CLCA1: variants seen among roughly 807,000 people sequenced by gnomAD.
CLCA1 encodes the protein calcium-activated chloride channel regulator 1.
CLCA1 carries 59 observed loss-of-function variants against 85.6 expected under a neutral mutation model. That is an observed-to-expected ratio of 0.69 (90% CI 0.56 to 0.86). CLCA1 has a LOEUF of 0.86. Among genes scored for constraint, CLCA1 ranks in the 40% least tolerant of loss-of-function variants. The pLI, the probability that CLCA1 is intolerant of heterozygous loss-of-function variation, is 0.00. For synonymous variants in CLCA1, 396 were observed against 398.3 expected, an observed-to-expected ratio of 0.99 and a Z score of 0.07; for missense variants, 1,022 against 1,101.4, an observed-to-expected ratio of 0.93 and a Z score of 1.02.
chr1:86,500,203 A>C lies in CLCA1; in HGVS notation c.*158A>C. ...TATTCCTGTAGGGGGCGATATACTA[A>C]ATGTATTTTAGACTTCCTGTAGGGG... On this transcript the variant is annotated 3_prime_UTR_variant, in exon 14 of 14. Transcript: ENST00000394711. 1 of 552,680 alleles carries C rather than the reference A, an allele frequency of 1.8e-6. No homozygotes were observed. Among genetic ancestry groups the C allele is most frequent in the Non-Finnish European group, 3.2e-6 (1 of 311,702 alleles). 34.2% of individuals were successfully genotyped at this position (552,680 alleles called of 1,614,324 possible). A position where few individuals can be genotyped will look rare whatever the true frequency, so the allele number is the denominator to read the frequency against.
At chr1:86,480,869 T>A (rs1016071838) in intron 4 of CLCA1, among the ~76,000 whole-genome samples, 3 of 152,204 alleles carry the variant, frequency 2.0e-5, no homozygotes, top group Admixed American at 2.0e-4. Flanking sequence ...TGTGATTTCA[T>A]GTTTAAAAAT....
chr1:86,489,294 C>T (rs1648074722), intron 8 of CLCA1, 124 bp downstream of exon 8: 1 of 838,892 alleles, frequency 1.2e-6, no homozygotes, highest in African/African-American at 1.7e-5. Context: ...GGCTAACTAG[C>T]CACCCTTACC....
chr1:86,468,954 A>G lies in CLCA1; in HGVS notation c.-18A>G. 1 of 1,578,462 alleles carries G rather than the reference A, an allele frequency of 6.3e-7. No individual in the cohort carries two copies. The highest frequency in any genetic ancestry group is 1.7e-4 in the Middle Eastern group (1 of 5,904). ...CCCGCATTTTCCAAAGAGAGAAATC[A>G]CAGGGAGATGTACAGCAATGGGGCC... is the stretch of plus-strand genomic sequence containing the variant. On this transcript the variant is annotated 5_prime_UTR_variant, in exon 1 of 14. Coordinates refer to ENST00000394711, the MANE Select transcript of CLCA1 (RefSeq NM_001285.4).
chr1:86,493,298 C>T (rs974211010), intron 9 of CLCA1, 86 bp from the exon 10 acceptor site: 41 of 998,996 alleles, frequency 4.1e-5, no homozygotes, highest in Middle Eastern at 3.1e-4. Context: ...TTTTTAATGG[C>T]GCACTGGGGA....
At chr1:86,487,556 C>A (rs911360991) in intron 7 of CLCA1, among the ~76,000 whole-genome samples, 4 of 152,112 alleles carry the variant, frequency 2.6e-5, no homozygotes, top group African/African-American at 9.7e-5. Flanking sequence ...TGTTCAAGAT[C>A]CCTGCTAGTC....
At position 86,482,301 on chromosome 1, in the gene CLCA1, C is replaced by T. The variant is rs778827054; in HGVS notation, c.654C>T (p.Leu218=). The change falls in exon 5 of 14, where the codon CTC becomes CTT. Residue 218 remains leucine (L), a synonymous_variant. Coordinates refer to ENST00000394711, the MANE Select transcript of CLCA1 (RefSeq NM_001285.4). Reference sequence around the variant, plus strand: ...GCACATTCAATAAAGTAACAGGACTCTATGAAAAAGGATGTGAGTTTGTTC... The same window carrying T: ...GCACATTCAATAAAGTAACAGGACTTTATGAAAAAGGATGTGAGTTTGTTC... The part of the protein sequence containing the change: ...KRCTFNKVTG[L]YEKGCEFVLQ... 10 of 1,613,920 alleles carry T rather than the reference C, an allele frequency of 6.2e-6. No individual in the cohort carries two copies. The highest frequency in any genetic ancestry group is 4.2e-6 in the Non-Finnish European group (5 of 1,179,788).
At position 86,499,846 on chromosome 1, in the gene CLCA1, A is replaced by T. The variant is rs1342884420; in HGVS notation, c.2546A>T (p.Lys849Met). ...TTCATTGCTATTCAGGCTGTTGATAAGGTCGATCTGAAATCAGAAATATCC... is the reference window on the plus strand; with the variant it reads ...TTCATTGCTATTCAGGCTGTTGATATGGTCGATCTGAAATCAGAAATATCC... ...DLFIAIQAVDKVDLKSEISNI... is the reference protein window; with the variant it reads ...DLFIAIQAVDMVDLKSEISNI... The change falls in exon 14 of 14, where the codon AAG becomes ATG. Residue 849 changes from lysine to methionine, a missense_variant. Transcript: ENST00000394711. 13 of 1,613,456 alleles carry T rather than the reference A, an allele frequency of 8.1e-6. No individual in the cohort carries two copies. Among genetic ancestry groups the T allele is most frequent in the Non-Finnish European group, 1.1e-5 (13 of 1,179,332 alleles).
chr1:86,484,137 A>C (rs551265058), intron 5 of CLCA1, among the ~76,000 whole-genome samples: 2 of 152,288 alleles, frequency 1.3e-5, no homozygotes, highest in South Asian at 4.1e-4. Flanking sequence ...GGGATTACAA[A>C]TCAAGATGAG....
chr1:86,496,931 T>C (rs1052503112), intron 12 of CLCA1, among the ~76,000 whole-genome samples: 11 of 152,120 alleles, frequency 7.2e-5, no homozygotes, highest in African/African-American at 2.7e-4. Context: ...GGTTTCACCA[T>C]GTTGGCCAGG....
chr1:86,493,692 C>T lies in CLCA1; in HGVS notation c.1680+93C>T. The T allele has an allele frequency of 3.1e-6, 3 of 962,822 alleles. No homozygotes were observed. In the Middle Eastern group the frequency reaches 7.0e-4, roughly 224 times the overall value. The allele number at this position is 962,822 out of a possible 1,614,324, so 59.6% of individuals were successfully genotyped here. A position where few individuals can be genotyped will look rare whatever the true frequency, so the allele number is the denominator to read the frequency against. ...GTAGCATTTTAAATGTTGGTGGTTG[C>T]TAAAAGGAGAGTCAGTATTGAATCA... On this transcript the variant is annotated intron_variant, in intron 10 of 13. Coordinates refer to ENST00000394711, the MANE Select transcript of CLCA1 (RefSeq NM_001285.4).
chr1:86,476,506 T>A lies in CLCA1; in HGVS notation c.510T>A (p.Asn170Lys). The A allele has an allele frequency of 1.2e-6, 2 of 1,603,736 alleles. No individual in the cohort carries two copies. Among genetic ancestry groups the A allele is most frequent in the Non-Finnish European group, 1.7e-6 (2 of 1,170,644 alleles). ...HLRWGVFDEY[N>K]NDEKFYLSNG... Reference sequence around the variant, plus strand: ...GATGGGGAGTATTTGACGAGTACAATAATGATGAGAAATTCTACTTATCCA... The same window carrying A: ...GATGGGGAGTATTTGACGAGTACAAAAATGATGAGAAATTCTACTTATCCA... Residue 170 changes from asparagine (N) to lysine (K), a missense_variant, in exon 4 of 14, where the codon AAT (asparagine) becomes AAA (lysine). Asn to Lys is a moderately conservative substitution (Grantham distance 94). Coordinates refer to ENST00000394711, the MANE Select transcript of CLCA1 (RefSeq NM_001285.4).
In CLCA1 at chr1:86,498,747, TCA is replaced by T; in HGVS notation, c.2291_2292del (p.His764ArgfsTer6). ...AAATCACCGACCTGAAGGCGGAAAT[TCA>T]CGGGGGCAGTCTCATTAATCTGACT... Reference protein sequence around the residue: ...GQITDLKAEIHGGSLINLTWT... With the variant: ...GQITDLKAEIXGGSLINLTWT... On this transcript the variant is annotated frameshift_variant, in exon 13 of 14. Transcript: ENST00000394711. LOFTEE classifies it high-confidence loss of function. 6.2e-7 allele frequency: 1 copy of T among 1,614,058 alleles called. No individual in the cohort carries two copies. Among genetic ancestry groups the T allele is most frequent in the East Asian group, 2.2e-5 (1 of 44,874 alleles).
intron 12 of CLCA1, among the ~76,000 whole-genome samples, chr1:86,497,082 G>GCT (rs1281656943): frequency 6.6e-6 from 1 of 152,216 alleles, no homozygotes; most frequent in Non-Finnish European, 1.5e-5. Flanking sequence ...TGGTTTAGTG[G>GCT]CTAGGTCTAG....
chr1:86,480,518 G>A (rs1428120259), intron 4 of CLCA1, among the ~76,000 whole-genome samples: 4 of 152,150 alleles, frequency 2.6e-5, no homozygotes, highest in South Asian at 2.1e-4. Context: ...AGCTACTTGA[G>A]AGGCTGAGGT....
In CLCA1 at chr1:86,469,091, C is replaced by A. The variant is rs569922132; in HGVS notation, c.120C>A (p.Asp40Glu). The A allele has an allele frequency of 1.2e-6, 2 of 1,610,860 alleles. No homozygotes were observed. Among genetic ancestry groups the A allele is most frequent in the Non-Finnish European group, 8.5e-7 (1 of 1,178,248 alleles). Residue 40 changes from aspartate (D) to glutamate (E), a missense_variant, in exon 1 of 14, where the codon GAC becomes GAA. Coordinates refer to ENST00000394711, the MANE Select transcript of CLCA1 (RefSeq NM_001285.4). ...NGYEGIVVAI[D>E]PNVPEDETLI... is the part of the protein sequence containing the mutation. ...ATGAAGGCATTGTCGTTGCAATCGACCCCAATGTGCCAGAAGATGAAACAC... is the reference window on the plus strand; with the variant it reads ...ATGAAGGCATTGTCGTTGCAATCGAACCCAATGTGCCAGAAGATGAAACAC...
At chr1:86,477,277 G>A (rs1276054854) in intron 4 of CLCA1, among the ~76,000 whole-genome samples, 1 of 152,156 alleles carries the variant, frequency 6.6e-6, no homozygotes, top group African/African-American at 2.4e-5. Context: ...GCCCAGAATG[G>A]TATCTGTGTG....
chr1:86,479,976 G>A (rs972745914), intron 4 of CLCA1, among the ~76,000 whole-genome samples: 7 of 152,196 alleles, frequency 4.6e-5, no homozygotes, highest in African/African-American at 1.7e-4. Context: ...AGTCTGTGAA[G>A]AAAGATAGGA....
chr1:86,498,208 A>G (rs41409653), intron 12 of CLCA1, among the ~76,000 whole-genome samples: 1 of 151,290 alleles, frequency 6.6e-6, no homozygotes, highest in Non-Finnish European at 1.5e-5. Flanking sequence ...GGAAGGAAGG[A>G]AAAAACAGAT....
At chr1:86,494,055 AAACATGCACACCTC>A in intron 10 of CLCA1, 118 bp from the exon 11 acceptor site, 1 of 1,006,812 alleles carries the variant, frequency 9.9e-7, no homozygotes, top group Non-Finnish European at 1.5e-6. Context: ...ACAGAGTATC[AAACATGCACACCTC>A]TTCTTAGATA....
Sources: gnomAD v4.1 joint callset for allele counts (sites outside exome capture counted in the v4.1 genomes callset) on GRCh38, gnomAD v4.1.1 for gene constraint, MANE v1.5 for transcripts, NCBI Gene and HGNC (gene_info 2026-07-23, HGNC 2026-07-21) for gene names.